MSH3: variants seen among roughly 807,000 people sequenced by gnomAD.
The protein encoded by MSH3 is mutS homolog 3, also known as DNA mismatch repair protein Msh3.
Under a neutral mutation model 123.3 loss-of-function variants are expected in MSH3, and 106 were observed. The ratio of observed to expected loss-of-function variants is 0.86; its 90% CI spans 0.73 to 1.01. The LOEUF (loss-of-function observed/expected upper bound fraction) is 1.01, where lower values mean the gene tolerates loss of function less well. MSH3 is among the 50% of genes least tolerant of loss of function. The pLI is 0.00. For missense variants in MSH3, 1,459 were observed against 1,347.6 expected (o/e 1.08, Z -1.29); for synonymous variants, 515 against 481.4 (o/e 1.07, Z -0.91).
At chr5:80,824,085 T>C (rs1400292538) in intron 20 of MSH3, among the ~76,000 whole-genome samples, 2 of 152,244 alleles carry the variant, frequency 1.3e-5, no homozygotes, top group African/African-American at 4.8e-5. Context: ...GAGTCTCCTA[T>C]GTCTACTTCT....
intron 8 of MSH3, among the ~76,000 whole-genome samples, chr5:80,697,325 C>T (rs1179054746): frequency 6.6e-6 from 1 of 152,172 alleles, no homozygotes; most frequent in Non-Finnish European, 1.5e-5. Flanking sequence ...CAGCTGGAGC[C>T]AAGTTACACC....
chr5:80,857,247 C>T (rs970896225), intron 21 of MSH3, among the ~76,000 whole-genome samples: 2 of 152,046 alleles, frequency 1.3e-5, no homozygotes, highest in Admixed American at 6.6e-5. Flanking sequence ...GGGATGAGTC[C>T]TACTTGGTTA....
intron 20 of MSH3, among the ~76,000 whole-genome samples, chr5:80,852,803 A>T (rs978547194): frequency 6.6e-6 from 1 of 152,176 alleles, no homozygotes; most frequent in African/African-American, 2.4e-5. Context: ...GTTAAGGTGC[A>T]ATTTGACCAT....
chr5:80,835,488 AT>A (rs993974886), intron 20 of MSH3, among the ~76,000 whole-genome samples: 10 of 150,290 alleles, frequency 6.7e-5, no homozygotes, highest in South Asian at 4.2e-4. Flanking sequence ...CAGCAATAGC[AT>A]TTTTTTTTTA....
chr5:80,790,353 G>A (rs921358748), intron 18 of MSH3, among the ~76,000 whole-genome samples: 10 of 152,062 alleles, frequency 6.6e-5, no homozygotes, highest in Admixed American at 2.0e-4. Context: ...GAACAAAGAC[G>A]AAGTTTACTT....
At chr5:80,854,000 T>C (rs990770809) in intron 20 of MSH3, 130 bp from the exon 21 acceptor site, 17 of 737,632 alleles carry the variant, frequency 2.3e-5, no homozygotes, top group Middle Eastern at 3.6e-4. Context: ...TTTAATTTAA[T>C]TTGAGCTATT....
At chr5:80,725,612 TG>T in intron 9 of MSH3, 47 bp downstream of exon 9, 1 of 1,287,860 alleles carries the variant, frequency 7.8e-7, no homozygotes, top group Non-Finnish European at 1.1e-6. Context: ...ATTTGAAATT[TG>T]GATAAAGGTA....
chr5:80,805,919 C>T (rs1173964772), intron 19 of MSH3, among the ~76,000 whole-genome samples: 1 of 151,974 alleles, frequency 6.6e-6, no homozygotes, highest in African/African-American at 2.4e-5. Flanking sequence ...CAAAAAAAGC[C>T]TTAACTTTAA....
At chr5:80,833,597 C>A (rs1431592921) in intron 20 of MSH3, among the ~76,000 whole-genome samples, 5 of 152,164 alleles carry the variant, frequency 3.3e-5, no homozygotes, top group Non-Finnish European at 7.3e-5. Flanking sequence ...AGCGTGCCAC[C>A]ACACCCAGCT....
intron 12 of MSH3, among the ~76,000 whole-genome samples, chr5:80,751,820 C>T (rs2112873823): frequency 6.6e-6 from 1 of 152,234 alleles, no homozygotes; most frequent in African/African-American, 2.4e-5. Context: ...CACAATTCAA[C>T]CCAAAACAAA....
chr5:80,692,098 A>G (rs1750284768), intron 8 of MSH3, among the ~76,000 whole-genome samples: 1 of 147,544 alleles, frequency 6.8e-6, no homozygotes, highest in Non-Finnish European at 1.5e-5. Context: ...GTTTAGATAG[A>G]TAGATAAACA....
intron 15 of MSH3, among the ~76,000 whole-genome samples, chr5:80,769,231 C>T (rs1015422618): frequency 2.0e-5 from 3 of 151,928 alleles, no homozygotes; most frequent in Admixed American, 6.6e-5. Context: ...TGTATATTAG[C>T]GTTATCTGTT....
chr5:80,782,745 T>C (rs893872079), intron 17 of MSH3, among the ~76,000 whole-genome samples: 1 of 152,248 alleles, frequency 6.6e-6, no homozygotes, highest in African/African-American at 2.4e-5. Context: ...TTGATTGTTA[T>C]GTACACTATT....
At chr5:80,727,453 T>C (rs948414937) in intron 9 of MSH3, among the ~76,000 whole-genome samples, 4 of 152,202 alleles carry the variant, frequency 2.6e-5, no homozygotes, top group African/African-American at 9.6e-5. Flanking sequence ...TGCAAGAAAG[T>C]CAAACAGTGT....
chr5:80,819,808 C>A (rs1745173570), intron 20 of MSH3, among the ~76,000 whole-genome samples: 1 of 152,096 alleles, frequency 6.6e-6, no homozygotes, highest in Admixed American at 6.6e-5. Context: ...TTTATTAAAA[C>A]CTTAGTGCAC....
intron 16 of MSH3, among the ~76,000 whole-genome samples, chr5:80,777,620 C>T (rs181168696): frequency 6.6e-6 from 1 of 152,258 alleles, no homozygotes; most frequent in East Asian, 1.9e-4. Flanking sequence ...TAAATTGAAT[C>T]AACAGATAAG....
intron 12 of MSH3, among the ~76,000 whole-genome samples, chr5:80,753,357 GT>G (rs759308382): frequency 4.6e-5 from 7 of 152,126 alleles, no homozygotes; most frequent in Non-Finnish European, 8.8e-5. Flanking sequence ...ACTTGCCTGT[GT>G]TTTCTTTTGC....
At chr5:80,789,439 C>T (rs551193698) in intron 18 of MSH3, among the ~76,000 whole-genome samples, 9 of 150,534 alleles carry the variant, frequency 6.0e-5, no homozygotes, top group South Asian at 2.1e-4. Context: ...GGTGCGATCT[C>T]GGCTCACTGC....
chr5:80,763,357 G>C (rs1282572515), intron 13 of MSH3, among the ~76,000 whole-genome samples: 2 of 152,218 alleles, frequency 1.3e-5, no homozygotes, highest in Non-Finnish European at 2.9e-5. Context: ...ATCCTGGGGA[G>C]AAAGATATAT....
Sources: gnomAD v4.1 joint callset for allele counts (sites outside exome capture counted in the v4.1 genomes callset) on GRCh38, gnomAD v4.1.1 for gene constraint, MANE v1.5 for transcripts, NCBI Gene and HGNC (gene_info 2026-07-23, HGNC 2026-07-21) for gene names.